Variants in SV2B observed in about 807,000 individuals in gnomAD.
SV2B encodes the protein synaptic vesicle glycoprotein 2B.
In SV2B, 41 loss-of-function variants were observed where a neutral mutation model predicts 73.9. The ratio of observed to expected loss-of-function variants is 0.56; its 90% CI spans 0.43 to 0.72. The LOEUF is 0.72. Ranked by LOEUF, SV2B falls within the 30% of genes least tolerant of loss-of-function variation. The probability of loss-of-function intolerance (pLI) is 0.00; values close to 1 mark genes in which losing one functional copy is unlikely to be tolerated. For synonymous variants in SV2B, 314 were observed against 314.2 expected, an observed-to-expected ratio of 1.00 and a Z score of 0.01; for missense variants, 764 against 857.8, an observed-to-expected ratio of 0.89 and a Z score of 1.37.
chr15:91,179,539 T>G (rs2044464522), intron 1 of SV2B, among the ~76,000 whole-genome samples: 1 of 152,186 alleles, frequency 6.6e-6, no homozygotes, highest in African/African-American at 2.4e-5. Flanking sequence ...AGTCTCTTTG[T>G]AGTTCACTAA....
At chr15:91,153,832 A>C (rs1050117351) in intron 1 of SV2B, among the ~76,000 whole-genome samples, 1 of 151,830 alleles carries the variant, frequency 6.6e-6, no homozygotes, top group East Asian at 1.9e-4. Flanking sequence ...GGGGCAGGGG[A>C]CAGTAACACA....
chr15:91,221,695 A>ACGCGCGCGCACGCGCGCG (rs937088399), intron 1 of SV2B, among the ~76,000 whole-genome samples: 1 of 132,330 alleles, frequency 7.6e-6, no homozygotes, highest in African/African-American at 3.1e-5. Flanking sequence ...GCATGTGCGC[A>ACGCGCGCGCACGCGCGCG]CACACACACA....
chr15:91,259,814 T>C (rs1199901977), intron 5 of SV2B, among the ~76,000 whole-genome samples: 1 of 152,202 alleles, frequency 6.6e-6, no homozygotes, highest in African/African-American at 2.4e-5. Context: ...GCAGCAGTTA[T>C]ATCGAAACAA....
chr15:91,198,455 ATGTG>A (rs5814467), intron 1 of SV2B, among the ~76,000 whole-genome samples: 8,258 of 136,590 alleles, frequency 0.06, 243 homozygotes, highest in East Asian at 0.087. Flanking sequence ...AAGCACGTGT[ATGTG>A]TGTGTGTGTG....
chr15:91,238,015 A>G (rs2046858277), intron 2 of SV2B, among the ~76,000 whole-genome samples: 1 of 152,152 alleles, frequency 6.6e-6, no homozygotes, highest in African/African-American at 2.4e-5. Flanking sequence ...CCAGTTCCTA[A>G]TGTGATTTTC....
In SV2B at chr15:91,227,008, T is replaced by C. The variant is rs1441631589; in HGVS notation, c.451+294T>C. ...CTTCTTCATGTTAAACCTTCTTCGA[T>C]GTCCAAATGACAAATACATTTTGGG... On this transcript the variant is annotated intron_variant, in intron 2 of 12. Transcript: ENST00000394232. The surrounding 1 kb of genome is among the most constrained non-coding windows in gnomAD (Gnocchi z 4.5). 6.6e-6 allele frequency among the ~76,000 whole-genome samples: 1 copy of C among 152,186 alleles called. No individual in the cohort carries two copies. Among genetic ancestry groups the C allele is most frequent in the Non-Finnish European group, 1.5e-5 (1 of 68,030 alleles).
chr15:91,263,411 A>C (rs1023949008), intron 6 of SV2B, among the ~76,000 whole-genome samples: 2 of 149,538 alleles, frequency 1.3e-5, no homozygotes, highest in Admixed American at 6.6e-5. Flanking sequence ...CAGGAACACA[A>C]ACACAGAAAC....
At chr15:91,199,351 G>C (rs2045379101) in intron 1 of SV2B, among the ~76,000 whole-genome samples, 1 of 152,150 alleles carries the variant, frequency 6.6e-6, no homozygotes, top group Non-Finnish European at 1.5e-5. Flanking sequence ...CTAACAGATA[G>C]AGTAACAATC....
At chr15:91,257,403 A>G (rs886685305) in intron 4 of SV2B, among the ~76,000 whole-genome samples, 1 of 152,184 alleles carries the variant, frequency 6.6e-6, no homozygotes, top group South Asian at 2.1e-4. Flanking sequence ...CCACTTTATT[A>G]CTTAAAAGAG....
At chr15:91,149,235 A>G (rs998639129) in intron 1 of SV2B, among the ~76,000 whole-genome samples, 36 of 152,230 alleles carry the variant, frequency 2.4e-4, no homozygotes, top group African/African-American at 8.7e-4. Flanking sequence ...GCCTGCAGGC[A>G]AAGCAATGCA....
rs1473667745 is a variant in SV2B at position 91,224,319 on chromosome 15, G to A, written c.-391-1554G>A. 6.6e-6 allele frequency among the ~76,000 whole-genome samples: 1 copy of A among 152,170 alleles called. No homozygotes were observed. The highest frequency in any genetic ancestry group is 6.5e-5 in the Admixed American group (1 of 15,286). ...ACTGTGGGCAGGTGGTTTGACCTGG[G>A]GCGTGAGTCTCTGGTAGCCTCAATG... On this transcript the variant is annotated intron_variant, in intron 1 of 12. Transcript: ENST00000394232. The surrounding 1 kb of genome is among the most constrained non-coding windows in gnomAD (Gnocchi z 4.9).
At position 91,245,191 on chromosome 15, in the gene SV2B, G is replaced by A. The variant is rs185465233; in HGVS notation, c.452-6628G>A. The stretch of plus-strand genomic sequence containing the variant: ...GAGAAGAGGTTTCTGATATCTGCCA[G>A]CTCTCTAGAAGGATATTTGGCATTG... On this transcript the variant is annotated intron_variant, in intron 2 of 12. Transcript: ENST00000394232. The surrounding 1 kb of genome is among the most constrained non-coding windows in gnomAD (Gnocchi z 4.2). Among the ~76,000 whole-genome samples, 426 of 152,266 alleles carry A rather than the reference G, an allele frequency of 2.8e-3. 1 individual carries two copies. Among genetic ancestry groups the A allele is most frequent in the Non-Finnish European group, 4.9e-3 (336 of 68,022 alleles).
intron 1 of SV2B, among the ~76,000 whole-genome samples, chr15:91,185,499 C>T (rs192422673): frequency 6.6e-6 from 1 of 152,200 alleles, no homozygotes; most frequent in South Asian, 2.1e-4. Flanking sequence ...GTCTTGTTGT[C>T]CAGAACTCAT....
chr15:91,250,509 A>G (rs1029603311), intron 2 of SV2B, among the ~76,000 whole-genome samples: 8 of 152,336 alleles, frequency 5.3e-5, no homozygotes, highest in Admixed American at 5.2e-4. Context: ...AAAGTCATCC[A>G]AATCAGAAAT....
intron 1 of SV2B, among the ~76,000 whole-genome samples, chr15:91,148,680 T>C (rs2043218976): frequency 6.6e-6 from 1 of 152,158 alleles, no homozygotes; most frequent in African/African-American, 2.4e-5. Context: ...GAAGAATTGA[T>C]TCACATGATT....
In SV2B at chr15:91,101,543, C is replaced by A. The variant is rs575199472; in HGVS notation, c.-392+1180C>A. ...TGGTAGGGGGAGAAGCACTCGTAAT[C>A]AGGAGGTGGATAAGTTCATGATGGT... On this transcript the variant is annotated intron_variant, in intron 1 of 12. Coordinates refer to ENST00000394232, the MANE Select transcript of SV2B (RefSeq NM_001323032.3). 3.9e-5 allele frequency among the ~76,000 whole-genome samples: 6 copies of A among 152,190 alleles called. No homozygotes were observed. The South Asian group carries it at 1.2e-3, about 32-fold the overall frequency.
rs1390968254 is a variant in SV2B, at chr15:91,267,705, T to C, written c.1208+62T>C. On this transcript the variant is annotated intron_variant, in intron 8 of 12. Transcript: ENST00000394232. The surrounding 1 kb of genome is among the most constrained non-coding windows in gnomAD (Gnocchi z 4.3). ...TGCCTCAGTGGCCTCCTTTACACAT[T>C]GAGGATTACAGTGAGTTCTGACTTA... 7.6e-7 allele frequency: 1 copy of C among 1,313,000 alleles called. No homozygotes were observed. The highest frequency in any genetic ancestry group is 1.4e-5 in the African/African-American group (1 of 69,160). 81.3% of individuals were successfully genotyped at this position (1,313,000 alleles called of 1,614,324 possible). A position where few individuals can be genotyped will look rare whatever the true frequency, so the allele number is the denominator to read the frequency against.
rs1200145281 is a variant in SV2B at position 91,299,603 on chromosome 15, TAGA to T, written c.*7055_*7057del. The T allele has an allele frequency of 6.6e-6, 1 of 152,198 alleles. No homozygotes were observed. The highest frequency in any genetic ancestry group is 2.4e-5 in the African/African-American group (1 of 41,454). 9.4% of individuals were successfully genotyped at this position (152,198 alleles called of 1,614,324 possible). ...TATAGATGCTTACCAGTAGGTTTAA[TAGA>T]AGATTTCTGAAAGGTAGCGCAAGTT... is the stretch of plus-strand genomic sequence containing the variant. On this transcript the variant is annotated 3_prime_UTR_variant, in exon 13 of 13. Transcript: ENST00000394232.
At chr15:91,189,710 C>T (rs1051234134) in intron 1 of SV2B, among the ~76,000 whole-genome samples, 3 of 152,152 alleles carry the variant, frequency 2.0e-5, no homozygotes, top group Non-Finnish European at 2.9e-5. Context: ...AAATTCCAGC[C>T]GGGCGCGGTG....
Sources: gnomAD v4.1 joint callset for allele counts (sites outside exome capture counted in the v4.1 genomes callset) on GRCh38, gnomAD v4.1.1 for gene constraint, Gnocchi (gnomAD v3.1) non-coding constraint, MANE v1.5 for transcripts, NCBI Gene and HGNC (gene_info 2026-07-23, HGNC 2026-07-21) for gene names.